Variants in DPP6 observed in about 807,000 individuals in gnomAD.
DPP6 encodes the protein dipeptidyl peptidase like 6.
Under a neutral mutation model 122.6 loss-of-function variants are expected in DPP6, and 69 were observed. That is an observed-to-expected ratio of 0.56 (90% CI 0.46 to 0.69). DPP6 has a LOEUF of 0.69. Among genes scored for constraint, DPP6 ranks in the 30% least tolerant of loss-of-function variants. The pLI is 0.00. For synonymous variants in DPP6, 418 were observed against 433.1 expected (o/e 0.97, Z 0.43); for missense variants, 928 against 1,116.9 (o/e 0.83, Z 2.41).
chr7:154,856,536 T>G (rs2150585644), intron 17 of DPP6, among the ~76,000 whole-genome samples: 1 of 152,330 alleles, frequency 6.6e-6, no homozygotes, highest in South Asian at 2.1e-4. Context: ...AGAGTCCCAG[T>G]AAGAATTGAC....
intron 1 of DPP6, among the ~76,000 whole-genome samples, chr7:153,894,331 C>T (rs1022634016): frequency 6.6e-6 from 1 of 152,090 alleles, no homozygotes; most frequent in Non-Finnish European, 1.5e-5. Flanking sequence ...TTGTGGGAGC[C>T]AATTTTATTT....
intron 1 of DPP6, among the ~76,000 whole-genome samples, chr7:154,230,651 C>T (rs1234804794): frequency 6.6e-6 from 1 of 152,338 alleles, no homozygotes; most frequent in East Asian, 1.9e-4. Context: ...AGCCCAAAAG[C>T]TGTCTGAGCC....
intron 6 of DPP6, among the ~76,000 whole-genome samples, chr7:154,656,975 CAGAG>C (rs1177660609): frequency 1.7e-5 from 2 of 120,114 alleles, no homozygotes. Flanking sequence ...AGGAGGTGCC[CAGAG>C]ATGGGTGGAG....
chr7:154,674,368 C>T (rs1838758187), intron 7 of DPP6, among the ~76,000 whole-genome samples: 1 of 152,156 alleles, frequency 6.6e-6, no homozygotes, highest in African/African-American at 2.4e-5. Context: ...GAGGCAGCCG[C>T]GGTGGCCTTC....
chr7:154,469,430 C>A (rs1356014146), intron 2 of DPP6, among the ~76,000 whole-genome samples: 1 of 152,166 alleles, frequency 6.6e-6, no homozygotes, highest in Non-Finnish European at 1.5e-5. Context: ...CCCTGACTCA[C>A]AGCTGCTGCC....
At chr7:154,295,560 C>T (rs992594355) in intron 1 of DPP6, among the ~76,000 whole-genome samples, 1 of 152,162 alleles carries the variant, frequency 6.6e-6, no homozygotes, top group Non-Finnish European at 1.5e-5. Context: ...GATTTAGAGA[C>T]GGGGAGTTCA....
rs1823835012 is a variant in DPP6, at chr7:154,486,774, A to G, written c.457+11737A>G. On this transcript the variant is annotated intron_variant, in intron 3 of 25. Transcript: ENST00000377770. The surrounding 1 kb of genome is among the most constrained non-coding windows in gnomAD (Gnocchi z 4.5). ...AGCAGAGAGAGGTGTGTCTTGGGGC[A>G]GGGCAGCCGATTTCTTCCACACCAC... Among the ~76,000 whole-genome samples, 1 of 152,164 alleles carries G rather than the reference A, an allele frequency of 6.6e-6. No homozygotes were observed. Among genetic ancestry groups the G allele is most frequent in the African/African-American group, 2.4e-5 (1 of 41,450 alleles).
chr7:154,839,410 G>A (rs1007640737), intron 16 of DPP6, among the ~76,000 whole-genome samples: 3 of 152,248 alleles, frequency 2.0e-5, no homozygotes, highest in African/African-American at 7.2e-5. Flanking sequence ...GTAGAGGACT[G>A]AGTCTGTGGC....
At chr7:154,565,461 G>A (rs1432703999) in intron 4 of DPP6, among the ~76,000 whole-genome samples, 1 of 152,206 alleles carries the variant, frequency 6.6e-6, no homozygotes, top group Non-Finnish European at 1.5e-5. Context: ...CAAGTCCTTG[G>A]AGTCATTTCC....
chr7:154,373,348 C>G (rs910786543), intron 1 of DPP6, among the ~76,000 whole-genome samples: 1 of 152,104 alleles, frequency 6.6e-6, no homozygotes, highest in African/African-American at 2.4e-5. Context: ...TTAATAATTA[C>G]TCAATTAGAT....
At chr7:154,406,488 C>T (rs1816119583) in intron 1 of DPP6, among the ~76,000 whole-genome samples, 1 of 151,678 alleles carries the variant, frequency 6.6e-6, no homozygotes, top group South Asian at 2.1e-4. Context: ...TACACACACA[C>T]ACATGCACAC....
rs1411888158 is a variant in DPP6 at position 154,772,890 on chromosome 7, A to T, written c.1084A>T (p.Asn362Tyr). Residue 362 changes from asparagine to tyrosine, a missense_variant, in exon 10 of 26, where the codon AAT (asparagine) becomes TAT (tyrosine). Physicochemically the swap from Asn to Tyr is moderately radical, Grantham distance 143. Transcript: ENST00000377770. ...CATTTCCCTACACGTTATTGGCTTA[A>T]ATGGACCCACCCATGATCTGGAGAT... ...PSISLHVIGLNGPTHDLEMMP... is the reference protein window; with the variant it reads ...PSISLHVIGLYGPTHDLEMMP... 2 of 1,613,434 alleles carry T rather than the reference A, an allele frequency of 1.2e-6. No homozygotes were observed. The highest frequency in any genetic ancestry group is 1.7e-6 in the Non-Finnish European group (2 of 1,179,714).
chr7:154,255,732 T>C (rs1004834427), intron 1 of DPP6, among the ~76,000 whole-genome samples: 6 of 152,248 alleles, frequency 3.9e-5, no homozygotes, highest in African/African-American at 1.4e-4. Context: ...AGAATTTTTA[T>C]GCCACAGCGC....
intron 3 of DPP6, among the ~76,000 whole-genome samples, chr7:154,535,250 AG>A (rs1828145205): frequency 6.6e-6 from 1 of 152,188 alleles, no homozygotes; most frequent in Admixed American, 6.5e-5. Flanking sequence ...TAAATGAAAG[AG>A]CTAAAATTAT....
chr7:154,059,883 C>G (rs909187307), intron 1 of DPP6, among the ~76,000 whole-genome samples: 1 of 151,706 alleles, frequency 6.6e-6, no homozygotes, highest in Non-Finnish European at 1.5e-5. Flanking sequence ...GCCTTGGCAG[C>G]AACTGCCCTG....
At chr7:153,820,338 A>G in the DPP6 span, among the ~76,000 whole-genome samples, 1 of 152,372 alleles carries the variant, frequency 6.6e-6, no homozygotes, top group South Asian at 2.1e-4. Context: ...TATAGCAAAT[A>G]AACCCTGTAA....
intron 6 of DPP6, among the ~76,000 whole-genome samples, chr7:154,651,339 A>G (rs546048584): frequency 6.6e-6 from 1 of 152,290 alleles, no homozygotes; most frequent in South Asian, 2.1e-4. Flanking sequence ...GAATTGTACA[A>G]TGTGATGTCC....
At chr7:154,484,660 A>G (rs1823631671) in intron 3 of DPP6, among the ~76,000 whole-genome samples, 3 of 152,210 alleles carry the variant, frequency 2.0e-5, no homozygotes, top group African/African-American at 7.2e-5. Flanking sequence ...GAATATGGTG[A>G]TAGACCATGT....
At chr7:154,331,147 A>G (rs1312386803) in intron 1 of DPP6, among the ~76,000 whole-genome samples, 1 of 152,152 alleles carries the variant, frequency 6.6e-6, no homozygotes, top group East Asian at 1.9e-4. Flanking sequence ...TTAGACCCCA[A>G]AGATACATGG....
Sources: allele counts gnomAD v4.1 joint callset (sites outside exome capture counted in the v4.1 genomes callset), GRCh38; gene constraint gnomAD v4.1.1; non-coding constraint Gnocchi (gnomAD v3.1); transcripts MANE v1.5; gene names NCBI Gene and HGNC (gene_info 2026-07-23, HGNC 2026-07-21).